The following COL22A1 variants were observed in gnomAD, a reference collection of about 807,000 sequenced individuals.
The protein encoded by COL22A1 is collagen type XXII alpha 1 chain, also known as collagen alpha-1(XXII) chain.
A neutral mutation model predicts 248.9 loss-of-function variants in COL22A1; 221 were observed. That is an observed-to-expected ratio of 0.89 (90% confidence interval 0.80 to 0.99). COL22A1 has a LOEUF of 0.99. COL22A1 is among the 50% of genes least tolerant of loss of function. COL22A1 has a pLI of 0.00. For synonymous variants in COL22A1, 891 were observed against 793.4 expected (o/e 1.12, Z -2.07); for missense variants, 2,240 against 2,179.0 (o/e 1.03, Z -0.56).
chr8:138,662,039 G>T lies in COL22A1; in HGVS notation c.3231C>A (p.Ala1077=). Residue 1077 remains alanine (A), a synonymous_variant, in exon 43 of 65, where the codon GCC becomes GCA. Coordinates refer to ENST00000303045, the MANE Select transcript of COL22A1 (RefSeq NM_152888.3). ...LPGFPGPQGP[A]GRDGAPGNPG... ...ATTTCTCTGTACTTACGTCCCGGCC[G>T]GCTGGGCCCTGGGGGCCAGGGAATC... 1.9e-6 allele frequency: 3 copies of T among 1,611,714 alleles called. No homozygotes were observed. The highest frequency in any genetic ancestry group is 1.7e-6 in the Non-Finnish European group (2 of 1,178,876).
chr8:138,601,396 G>C (rs893733395), intron 60 of COL22A1, among the ~76,000 whole-genome samples: 3 of 152,058 alleles, frequency 2.0e-5, no homozygotes, highest in Non-Finnish European at 4.4e-5. Flanking sequence ...AGAAAGCCGA[G>C]ATAAATTCTT....
intron 10 of COL22A1, among the ~76,000 whole-genome samples, chr8:138,804,604 C>G (rs1472600586): frequency 1.3e-5 from 2 of 152,212 alleles, no homozygotes; most frequent in Non-Finnish European, 2.9e-5. Context: ...CCCTGCCATC[C>G]TCCTCACAGC....
At chr8:138,595,486 T>C (rs1297872263) in intron 62 of COL22A1, among the ~76,000 whole-genome samples, 1 of 152,144 alleles carries the variant, frequency 6.6e-6, no homozygotes, top group Non-Finnish European at 1.5e-5. Context: ...CTCAGAGATC[T>C]ACACACATGA....
At chr8:138,659,844 GTC>G (rs1185724907) in intron 44 of COL22A1, among the ~76,000 whole-genome samples, 2 of 152,184 alleles carry the variant, frequency 1.3e-5, no homozygotes, top group Non-Finnish European at 2.9e-5. Context: ...AATTCCCCTG[GTC>G]TCACTGTGAG....
At chr8:138,716,323 G>A (rs1316981877) in intron 28 of COL22A1, 34 bp from the exon 29 acceptor site, 2 of 1,516,494 alleles carry the variant, frequency 1.3e-6, no homozygotes, top group Non-Finnish European at 1.8e-6. Flanking sequence ...GGCGTCAACA[G>A]GAAGGCTCTC....
intron 30 of COL22A1, among the ~76,000 whole-genome samples, chr8:138,710,595 C>A (rs1305993352): frequency 2.1e-4 from 7 of 33,158 alleles, no homozygotes; most frequent in South Asian, 1.6e-3. Context: ...CATAATCTAT[C>A]TATCTATCTA....
intron 51 of COL22A1, among the ~76,000 whole-genome samples, chr8:138,624,827 A>G (rs967359797): frequency 6.6e-6 from 1 of 152,216 alleles, no homozygotes. Flanking sequence ...ATGGCAGTAC[A>G]TATCAGATAC....
chr8:138,673,491 G>A (rs886920621), intron 41 of COL22A1, among the ~76,000 whole-genome samples: 1 of 152,172 alleles, frequency 6.6e-6, no homozygotes, highest in African/African-American at 2.4e-5. Flanking sequence ...TTACAGGCAT[G>A]AGCCACCATG....
chr8:138,805,117 GTGTA>G (rs1471418711), intron 10 of COL22A1, among the ~76,000 whole-genome samples: 1 of 132,160 alleles, frequency 7.6e-6, no homozygotes, highest in African/African-American at 3.3e-5. Flanking sequence ...GTGTGTGATG[GTGTA>G]TGTATGTGTG....
At chr8:138,695,373 T>C (rs1350511190) in intron 32 of COL22A1, among the ~76,000 whole-genome samples, 3 of 152,116 alleles carry the variant, frequency 2.0e-5, no homozygotes, top group Non-Finnish European at 4.4e-5. Flanking sequence ...TCTCTCTTTC[T>C]AGTAGAGATG....
intron 7 of COL22A1, among the ~76,000 whole-genome samples, chr8:138,816,714 C>T (rs1818715740): frequency 6.6e-6 from 1 of 152,202 alleles, no homozygotes; most frequent in South Asian, 2.1e-4. Flanking sequence ...GAGTCCATGA[C>T]AGCACAGTGT....
intron 35 of COL22A1, 69 bp from the exon 36 acceptor site, chr8:138,690,943 C>G: frequency 7.7e-7 from 1 of 1,293,674 alleles, no homozygotes. Flanking sequence ...ACTCTCTCTG[C>G]AAATCTGCCT....
intron 16 of COL22A1, among the ~76,000 whole-genome samples, chr8:138,771,819 G>A (rs904483045): frequency 3.3e-5 from 5 of 152,220 alleles, no homozygotes; most frequent in South Asian, 2.1e-4. Flanking sequence ...TGTGGCAGCT[G>A]TCCCAGTGGC....
At chr8:138,702,572 CA>C (rs1828052578) in intron 31 of COL22A1, among the ~76,000 whole-genome samples, 1 of 141,230 alleles carries the variant, frequency 7.1e-6, no homozygotes, top group Non-Finnish European at 1.5e-5. Context: ...ATCAGCTGGT[CA>C]AAACAGAGGA....
chr8:138,863,803 T>C (rs1209050982), intron 3 of COL22A1, among the ~76,000 whole-genome samples: 1 of 152,196 alleles, frequency 6.6e-6, no homozygotes, highest in Admixed American at 6.5e-5. Context: ...ATAGATAATC[T>C]ACAAATACTC....
chr8:138,806,063 G>A (rs62645398), intron 10 of COL22A1, among the ~76,000 whole-genome samples: 769 of 4,696 alleles, frequency 0.16, 5 homozygotes, highest in Middle Eastern at 0.33. Context: ...ATGGTGTGTG[G>A]TGGTGTGTGT....
At chr8:138,652,286 G>C (rs1458459164) in intron 45 of COL22A1, among the ~76,000 whole-genome samples, 1 of 152,234 alleles carries the variant, frequency 6.6e-6, no homozygotes, top group Non-Finnish European at 1.5e-5. Flanking sequence ...TCATCTCCCT[G>C]AGTCTCCTTA....
intron 12 of COL22A1, among the ~76,000 whole-genome samples, chr8:138,794,073 G>A (rs1027750252): frequency 2.0e-5 from 3 of 152,098 alleles, no homozygotes; most frequent in Non-Finnish European, 4.4e-5. Flanking sequence ...CACTGGAACC[G>A]AGCATGCAAG....
In COL22A1 at chr8:138,832,940, GC is replaced by G. The variant is rs200944341; in HGVS notation, c.845+98del. ...CTTACAAGGCACTGAGAAGGTTAAA[GC>G]CCGGCTCGGTGCCAAGTATGAAACA... On this transcript the variant is annotated intron_variant, in intron 5 of 64. Coordinates refer to ENST00000303045, the MANE Select transcript of COL22A1 (RefSeq NM_152888.3). 3.3e-3 allele frequency: 2,528 copies of G among 763,764 alleles called. 39 individuals are homozygous for G. In the African/African-American group the frequency reaches 0.038, roughly 12 times the overall value. 47.3% of individuals were successfully genotyped at this position (763,764 alleles called of 1,614,324 possible). A position where few individuals can be genotyped will look rare whatever the true frequency, so the allele number is the denominator to read the frequency against.
Sources: allele counts gnomAD v4.1 joint callset (sites outside exome capture counted in the v4.1 genomes callset), GRCh38; gene constraint gnomAD v4.1.1; transcripts MANE v1.5; gene names NCBI Gene and HGNC (gene_info 2026-07-23, HGNC 2026-07-21).